Variants in CACNA1H observed in about 807,000 individuals in gnomAD.
CACNA1H encodes the protein voltage-dependent T-type calcium channel subunit alpha-1H.
In CACNA1H, 149 loss-of-function variants were observed where a neutral mutation model predicts 192.5. The ratio of observed to expected loss-of-function variants is 0.77; its 90% confidence interval spans 0.68 to 0.89. CACNA1H has a LOEUF of 0.89. Ranked by LOEUF, CACNA1H falls within the 40% of genes least tolerant of loss-of-function variation. CACNA1H has a pLI of 0.00. For missense variants in CACNA1H, 4,257 were observed against 3,423.5 expected (o/e 1.24, Z -6.08); for synonymous variants, 2,202 against 1,475.2 (o/e 1.49, Z -11.29).
At position 1,170,265 on chromosome 16, in the gene CACNA1H, C is replaced by T. The variant is rs141991137; in HGVS notation, c.299+16229C>T. 6.7e-3 allele frequency among the ~76,000 whole-genome samples: 1,018 copies of T among 152,288 alleles called. 9 individuals are homozygous for T. Among genetic ancestry groups the T allele is most frequent in the African/African-American group, 0.023 (956 of 41,574 alleles). On this transcript the variant is annotated intron_variant, in intron 2 of 34. Transcript: ENST00000348261. ...AGTGCAGAGCCTTCTTTGTGAGGGG[C>T]GGGCCCCTCCCCACGCCTTCGGGCC...
At chr16:1,163,212 C>T (rs959360707) in intron 2 of CACNA1H, among the ~76,000 whole-genome samples, 1 of 152,234 alleles carries the variant, frequency 6.6e-6, no homozygotes, top group Non-Finnish European at 1.5e-5. Flanking sequence ...GACCTTGAGG[C>T]TTGAGACTGT....
chr16:1,179,517 C>T (rs1965253705), intron 2 of CACNA1H, among the ~76,000 whole-genome samples: 1 of 151,764 alleles, frequency 6.6e-6, no homozygotes, highest in Admixed American at 6.6e-5. Flanking sequence ...CAATCTCCGC[C>T]TCCCGGGTTC....
intron 30 of CACNA1H, among the ~76,000 whole-genome samples, chr16:1,216,533 A>G (rs908646170): frequency 6.6e-6 from 1 of 152,174 alleles, no homozygotes; most frequent in Non-Finnish European, 1.5e-5. Flanking sequence ...GGGCCCCGCC[A>G]TGGGATCTCT....
rs138977149 is a variant in CACNA1H, at chr16:1,154,947, G to A, written c.299+911G>A. On this transcript the variant is annotated intron_variant, in intron 2 of 34. Coordinates refer to ENST00000348261, the MANE Select transcript of CACNA1H (RefSeq NM_021098.3). ...GTCTCCCCACCGGCCCTTCTGAGCC[G>A]GCAGCTGGGGTGGCCAGGCCGTGGC... 1.8e-4 allele frequency among the ~76,000 whole-genome samples: 27 copies of A among 152,286 alleles called. No individual in the cohort carries two copies. The East Asian group carries it at 4.9e-3, about 27-fold the overall frequency.
At position 1,220,267 on chromosome 16, in the gene CACNA1H, A is replaced by T; in HGVS notation, c.6335A>T (p.Gln2112Leu). 1 of 1,586,850 alleles carries T rather than the reference A, an allele frequency of 6.3e-7. No individual in the cohort carries two copies. Among genetic ancestry groups the T allele is most frequent in the Non-Finnish European group, 8.5e-7 (1 of 1,172,728 alleles). ...ATCACCAGCTCCGCCTGCCCCTGGC[A>T]GCCCACAGCCGAGCCCCATGGCCCC... ...SHITSSACPWQPTAEPHGPEA... is the reference protein window; with the variant it reads ...SHITSSACPWLPTAEPHGPEA... Residue 2112 changes from glutamine to leucine, a missense_variant, in exon 35 of 35, where the codon CAG (glutamine) becomes CTG (leucine). Coordinates refer to ENST00000348261, the MANE Select transcript of CACNA1H (RefSeq NM_021098.3).
chr16:1,217,071 C>G, intron 31 of CACNA1H, 61 bp downstream of exon 31: 1 of 1,392,322 alleles, frequency 7.2e-7, no homozygotes, highest in Non-Finnish European at 1.0e-6. Context: ...GCCCCTGTGC[C>G]CATCCACTCA....
At position 1,220,533 on chromosome 16, in the gene CACNA1H, G is replaced by A. The variant is rs1456584884; in HGVS notation, c.6601G>A (p.Glu2201Lys). 1.3e-6 allele frequency: 2 copies of A among 1,534,238 alleles called. No individual in the cohort carries two copies. Among genetic ancestry groups the A allele is most frequent in the African/African-American group, 1.4e-5 (1 of 71,686 alleles). ...CISVEPPAEDEGSARPSAAEG... is the reference protein window; with the variant it reads ...CISVEPPAEDKGSARPSAAEG... ...CTCGGTGGAACCCCCTGCGGAGGAC[G>A]AGGGCTCTGCGCGGCCCTCCGCGGC... Residue 2201 changes from glutamate (E) to lysine (K), a missense_variant, in exon 35 of 35, where the codon GAG becomes AAG. Coordinates refer to ENST00000348261, the MANE Select transcript of CACNA1H (RefSeq NM_021098.3).
intron 9 of CACNA1H, 100 bp from the exon 10 acceptor site, chr16:1,203,910 G>A (rs966576824): frequency 2.4e-6 from 2 of 821,002 alleles, no homozygotes; most frequent in East Asian, 5.4e-5. Context: ...TCTTTCTGGG[G>A]GGGACACATT....
intron 2 of CACNA1H, among the ~76,000 whole-genome samples, chr16:1,177,708 G>A (rs1284837179): frequency 6.6e-6 from 1 of 152,014 alleles, no homozygotes; most frequent in Non-Finnish European, 1.5e-5. Flanking sequence ...GGCTGGGCAG[G>A]ATGGGGCTCC....
chr16:1,192,516 C>T (rs549862571), intron 2 of CACNA1H, among the ~76,000 whole-genome samples: 2 of 152,344 alleles, frequency 1.3e-5, no homozygotes, highest in Admixed American at 6.5e-5. Context: ...GGGTCTGGGC[C>T]GGGTCCAGAA....
At position 1,203,324 on chromosome 16, in the gene CACNA1H, G is replaced by C. The variant is rs184731089; in HGVS notation, c.2003-686G>C. On this transcript the variant is annotated intron_variant, in intron 9 of 34. Coordinates refer to ENST00000348261, the MANE Select transcript of CACNA1H (RefSeq NM_021098.3). Reference sequence around the variant, plus strand: ...GTGTTGGAGTAACCATGGTTTGCTCGCATCGAGTCAAACAGAATCCCGTAG... The same window carrying C: ...GTGTTGGAGTAACCATGGTTTGCTCCCATCGAGTCAAACAGAATCCCGTAG... Among the ~76,000 whole-genome samples the C allele has an allele frequency of 4.6e-5, 7 of 152,292 alleles. No homozygotes were observed. In the East Asian group the frequency reaches 1.2e-3, roughly 25 times the overall value.
intron 25 of CACNA1H, 153 bp downstream of exon 25, chr16:1,212,291 G>A: frequency 7.8e-7 from 1 of 1,276,056 alleles, no homozygotes; most frequent in Non-Finnish European, 1.1e-6. Context: ...CCTTGGAGGG[G>A]CTGGCCCGAG....
chr16:1,160,595 G>A (rs986525139), intron 2 of CACNA1H, among the ~76,000 whole-genome samples: 1 of 152,206 alleles, frequency 6.6e-6, no homozygotes, highest in African/African-American at 2.4e-5. Context: ...GGGGTGTGCC[G>A]CCACGTGGCC....
At chr16:1,217,229 C>T (rs908947268) in intron 31 of CACNA1H, among the ~76,000 whole-genome samples, 1 of 152,246 alleles carries the variant, frequency 6.6e-6, no homozygotes. Flanking sequence ...GCTTGTGACA[C>T]GTGTGCGGAC....
rs777897759 is a variant in CACNA1H at position 1,220,141 on chromosome 16, G to C, written c.6209G>C (p.Arg2070Pro). The change falls in exon 35 of 35, where the codon CGT (arginine) becomes CCT (proline). Residue 2070 changes from arginine (R) to proline (P), a missense_variant. Arg to Pro is a moderately radical substitution (Grantham distance 103). Coordinates refer to ENST00000348261, the MANE Select transcript of CACNA1H (RefSeq NM_021098.3). ...RSPRPASVRT[R>P]KHTFGQRCVS... ...CCACGGCCCGCCAGCGTCCGCACTC[G>C]TAAGCATACCTTCGGACAGCGCTGC... The C allele has an allele frequency of 2.7e-6, 4 of 1,507,306 alleles. No homozygotes were observed. Among genetic ancestry groups the C allele is most frequent in the African/African-American group, 2.9e-5 (2 of 69,190 alleles). 93.4% of individuals were successfully genotyped at this position (1,507,306 alleles called of 1,614,324 possible).
At position 1,180,449 on chromosome 16, in the gene CACNA1H, G is replaced by T. The variant is rs1298216719; in HGVS notation, c.300-14523G>T. ...CGAGGTCTGAAGGGAAATCCCCAGTGGTGGGACTGGAGGTGCCGTGGAGGG... is the reference window on the plus strand; with the variant it reads ...CGAGGTCTGAAGGGAAATCCCCAGTTGTGGGACTGGAGGTGCCGTGGAGGG... On this transcript the variant is annotated intron_variant, in intron 2 of 34. Coordinates refer to ENST00000348261, the MANE Select transcript of CACNA1H (RefSeq NM_021098.3). This position sits in a 1 kb window ranked among gnomAD's most constrained non-coding sequence, Gnocchi z 4.4. 6.6e-6 allele frequency among the ~76,000 whole-genome samples: 1 copy of T among 152,178 alleles called. No individual in the cohort carries two copies. The highest frequency in any genetic ancestry group is 6.5e-5 in the Admixed American group (1 of 15,288).
chr16:1,160,545 A>T (rs1284795524), intron 2 of CACNA1H, among the ~76,000 whole-genome samples: 3 of 152,124 alleles, frequency 2.0e-5, no homozygotes, highest in East Asian at 3.9e-4. Flanking sequence ...CCCGCCGAGG[A>T]TGACAGATGG....
chr16:1,182,236 C>T (rs1965550210), intron 2 of CACNA1H, among the ~76,000 whole-genome samples: 1 of 152,190 alleles, frequency 6.6e-6, no homozygotes, highest in African/African-American at 2.4e-5. Context: ...CTCAGCCCAC[C>T]TGGGTGCAGC....
intron 33 of CACNA1H, 49 bp downstream of exon 33, chr16:1,218,700 G>A: frequency 7.7e-7 from 1 of 1,294,588 alleles, no homozygotes; most frequent in African/African-American, 1.5e-5. Flanking sequence ...GCAGGACAGG[G>A]AGGAAGATGG....
Sources: allele counts gnomAD v4.1 joint callset (sites outside exome capture counted in the v4.1 genomes callset), GRCh38; gene constraint gnomAD v4.1.1; non-coding constraint Gnocchi (gnomAD v3.1); transcripts MANE v1.5; gene names NCBI Gene and HGNC (gene_info 2026-07-23, HGNC 2026-07-21).